Variants in NDUFA9 observed in about 807,000 individuals in gnomAD.
NDUFA9 encodes NADH:ubiquinone oxidoreductase subunit A9.
Under a neutral mutation model 45.9 loss-of-function variants are expected in NDUFA9, and 23 were observed. The observed-to-expected ratio is 0.50, with a 90% CI of 0.36 to 0.71. The LOEUF is 0.71. NDUFA9 is among the 30% of genes least tolerant of loss of function. NDUFA9 has a pLI of 0.00. For synonymous variants in NDUFA9, 176 were observed against 170.5 expected (o/e 1.03, Z -0.25); for missense variants, 466 against 488.2 (o/e 0.95, Z 0.43).
At chr12:4,669,610 A>G in intron 7 of NDUFA9, 131 bp from the exon 8 acceptor site, 1 of 595,666 alleles carries the variant, frequency 1.7e-6, no homozygotes. Context: ...TGTTGAGATC[A>G]GTGTGGCCTT....
intron 3 of NDUFA9, chr12:4,656,009 T>C (rs1014175483): frequency 2.0e-5 from 3 of 151,612 alleles, no homozygotes; most frequent in African/African-American, 7.2e-5. Context: ...ATAGCTGACT[T>C]CCTACTTGTG....
At chr12:4,649,600 C>G (rs990668597) in intron 1 of NDUFA9, among the ~76,000 whole-genome samples, 3 of 152,100 alleles carry the variant, frequency 2.0e-5, no homozygotes, top group Non-Finnish European at 4.4e-5. Context: ...TAATGGGTCT[C>G]AATTCATATG....
intron 2 of NDUFA9, 113 bp from the exon 3 acceptor site, chr12:4,654,712 T>C: frequency 1.0e-6 from 1 of 1,000,636 alleles, no homozygotes. Flanking sequence ...TTTTGTCAAA[T>C]ATAATATCAA....
rs1253142764 is a variant in NDUFA9, at chr12:4,688,903, G to A, written c.*1795G>A. ...AGATGGGTGGATTTAATTTGAAAAG[G>A]AACTATAATTCTATAATGCACAGTG... On this transcript the variant is annotated 3_prime_UTR_variant, in exon 11 of 11. Transcript: ENST00000266544. 1 of 152,148 alleles carries A rather than the reference G, an allele frequency of 6.6e-6. No homozygotes were observed. The highest frequency in any genetic ancestry group is 2.4e-5 in the African/African-American group (1 of 41,424). The allele number at this position is 152,148 out of a possible 1,614,324, so 9.4% of individuals were successfully genotyped here.
chr12:4,685,305 A>T lies in NDUFA9; in HGVS notation c.943A>T (p.Thr315Ser). 6.2e-7 allele frequency: 1 copy of T among 1,614,100 alleles called. No homozygotes were observed. The highest frequency in any genetic ancestry group is 8.5e-7 in the Non-Finnish European group (1 of 1,179,934). ...AATAAGCCCATTTGAGCCCTGGATA[A>T]CAAGGGATAAAGTGGAGCGGGTGAG... ...FEISPFEPWI[T>S]RDKVERMHIT... The change falls in exon 10 of 11, where the codon ACA becomes TCA. Residue 315 changes from threonine to serine, a missense_variant. Coordinates refer to ENST00000266544, the MANE Select transcript of NDUFA9 (RefSeq NM_005002.5).
At chr12:4,658,918 G>C in intron 4 of NDUFA9, 118 bp from the exon 5 acceptor site, 1 of 1,095,734 alleles carries the variant, frequency 9.1e-7, no homozygotes, top group South Asian at 1.6e-5. Context: ...AATCATTGCT[G>C]TTTAAAAGTT....
intron 1 of NDUFA9, chr12:4,653,534 G>A (rs1565564323): frequency 2.4e-6 from 1 of 420,718 alleles, no homozygotes; most frequent in Non-Finnish European, 4.7e-6. Context: ...GTTCATTCTA[G>A]TACCAAGAAC....
chr12:4,676,973 A>G (rs1244776984), intron 8 of NDUFA9, among the ~76,000 whole-genome samples: 1 of 152,234 alleles, frequency 6.6e-6, no homozygotes, highest in East Asian at 1.9e-4. Context: ...ATGGGACAGA[A>G]CAGAGGGCTC....
At position 4,688,976 on chromosome 12, in the gene NDUFA9, A is replaced by T. The variant is rs1295142981; in HGVS notation, c.*1868A>T. On this transcript the variant is annotated 3_prime_UTR_variant, in exon 11 of 11. Transcript: ENST00000266544. The stretch of plus-strand genomic sequence containing the variant: ...TTTCTTTCCTTTTTTTGATTCTTAA[A>T]AAAAAACTTATTGATACATAATAGA... 6.6e-6 allele frequency: 1 copy of T among 152,234 alleles called. No individual in the cohort carries two copies. Among genetic ancestry groups the T allele is most frequent in the African/African-American group, 2.4e-5 (1 of 41,460 alleles). The allele number at this position is 152,234 out of a possible 1,614,324, so 9.4% of individuals were successfully genotyped here. A position where few individuals can be genotyped will look rare whatever the true frequency, so the allele number is the denominator to read the frequency against.
At chr12:4,649,919 A>G (rs1355622601) in intron 1 of NDUFA9, among the ~76,000 whole-genome samples, 1 of 152,226 alleles carries the variant, frequency 6.6e-6, no homozygotes, top group Non-Finnish European at 1.5e-5. Context: ...TCCACTCACT[A>G]AAAAGCAAGG....
At chr12:4,655,756 A>C in intron 3 of NDUFA9, 1 of 152,176 alleles carries the variant, frequency 6.6e-6, no homozygotes, top group Non-Finnish European at 1.5e-5. Flanking sequence ...GTAGTTGCCA[A>C]TGCGGTGAGG....
intron 9 of NDUFA9, among the ~76,000 whole-genome samples, chr12:4,683,788 A>G (rs1239158103): frequency 6.6e-6 from 1 of 152,210 alleles, no homozygotes; most frequent in Admixed American, 6.5e-5. Flanking sequence ...TCAGGAGAGA[A>G]TCGATGTTTT....
chr12:4,685,184 C>T (rs770392678), intron 9 of NDUFA9, 75 bp from the exon 10 acceptor site: 60 of 1,296,280 alleles, frequency 4.6e-5, no homozygotes, highest in Non-Finnish European at 6.2e-5. Flanking sequence ...TGTCTTCCTG[C>T]AGTTCTCATA....
At chr12:4,661,338 G>A (rs1356689011) in intron 5 of NDUFA9, among the ~76,000 whole-genome samples, 1 of 152,168 alleles carries the variant, frequency 6.6e-6, no homozygotes, top group Non-Finnish European at 1.5e-5. Flanking sequence ...TTTGAATACA[G>A]TAGAAAATGT....
At chr12:4,673,113 G>A (rs1223849749) in intron 8 of NDUFA9, among the ~76,000 whole-genome samples, 1 of 152,136 alleles carries the variant, frequency 6.6e-6, no homozygotes, top group Non-Finnish European at 1.5e-5. Context: ...ACCTCCAGCA[G>A]ACCTGCAGCA....
rs1945866863 is a variant in NDUFA9, at chr12:4,668,524, T to C, written c.723T>C (p.Tyr241=). 1 of 1,608,798 alleles carries C rather than the reference T, an allele frequency of 6.2e-7. No individual in the cohort carries two copies. The highest frequency in any genetic ancestry group is 8.5e-7 in the Non-Finnish European group (1 of 1,175,154). The part of the protein sequence containing the change: ...LGWKTVKQPV[Y]VVDVSKGIVN... ...GGAAGACAGTTAAACAACCAGTATA[T>C]GTAAGTACTTGGATGAAGGGGGTCA... The change falls in exon 7 of 11, where the codon TAT becomes TAC. Residue 241 remains tyrosine, a splice_region_variant and synonymous_variant. Coordinates refer to ENST00000266544, the MANE Select transcript of NDUFA9 (RefSeq NM_005002.5).
chr12:4,662,480 G>C, intron 5 of NDUFA9, 53 bp from the exon 6 acceptor site: 1 of 1,327,236 alleles, frequency 7.5e-7, no homozygotes. Flanking sequence ...AAGAATGGAT[G>C]CTTTATTCAC....
Position 4,662,391 on chromosome 12 carries a change from G to A in NDUFA9, c.553-142G>A, listed in dbSNP as rs1225931253. ...TATTTTTTAAAAGTTCTGTGTAACT[G>A]AGTTTTATGAATTACATGATTACCT... On this transcript the variant is annotated intron_variant, in intron 5 of 10. Transcript: ENST00000266544. 3 of 642,654 alleles carry A rather than the reference G, an allele frequency of 4.7e-6. No individual in the cohort carries two copies. In the East Asian group the frequency reaches 8.4e-5, roughly 18 times the overall value. 39.8% of individuals were successfully genotyped at this position (642,654 alleles called of 1,614,324 possible).
At chr12:4,660,306 G>C (rs973940329) in intron 5 of NDUFA9, among the ~76,000 whole-genome samples, 2 of 152,170 alleles carry the variant, frequency 1.3e-5, no homozygotes, top group Non-Finnish European at 2.9e-5. Context: ...CTCTGTCTAG[G>C]TAATTCTGAG....
Sources: allele counts gnomAD v4.1 joint callset (sites outside exome capture counted in the v4.1 genomes callset), GRCh38; gene constraint gnomAD v4.1.1; transcripts MANE v1.5; gene names NCBI Gene and HGNC (gene_info 2026-07-23, HGNC 2026-07-21).